Variants in LSM4 observed in about 807,000 individuals in gnomAD.
LSM4 encodes LSM4 homolog, U6 small nuclear RNA and mRNA degradation associated, also known as U6 snRNA-associated Sm-like protein LSm4.
In LSM4, 15 loss-of-function variants were observed where a neutral mutation model predicts 22.3. That is an observed-to-expected ratio of 0.67 (90% CI 0.45 to 1.03). The LOEUF is 1.03. Ranked by LOEUF, LSM4 falls within the 50% of genes least tolerant of loss-of-function variation. The pLI, the probability that LSM4 is intolerant of heterozygous loss-of-function variation, is 0.00. For missense variants in LSM4, 127 were observed against 198.0 expected, an observed-to-expected ratio of 0.64 and a Z score of 2.15; for synonymous variants, 90 against 79.8, an observed-to-expected ratio of 1.13 and a Z score of -0.68.
rs751182952 is a variant in LSM4 at position 18,322,996 on chromosome 19, C to A, written c.3+22G>T. On this transcript the variant is annotated intron_variant, in intron 1 of 4. Coordinates refer to ENST00000593829, the MANE Select transcript of LSM4 (RefSeq NM_012321.5). ...TGCTGTTCCCGCCTCCCGGTGAGACCCCGCAGTTGCCCTGCCCTCACCATG... is the reference window on the plus strand; with the variant it reads ...TGCTGTTCCCGCCTCCCGGTGAGACACCGCAGTTGCCCTGCCCTCACCATG... The A allele has an allele frequency of 2.8e-5, 45 of 1,591,294 alleles. No individual in the cohort carries two copies. In the East Asian group the frequency reaches 1.0e-3, roughly 37 times the overall value.
intron 3 of LSM4, 64 bp downstream of exon 3, chr19:18,312,540 G>T (rs1262681758): frequency 5.1e-6 from 7 of 1,366,486 alleles, no homozygotes; most frequent in Non-Finnish European, 7.3e-6. Flanking sequence ...GGCCCAGGGA[G>T]GGAGGGAGGA....
chr19:18,316,160 G>A (rs1453935535), intron 1 of LSM4, 95 bp from the exon 2 acceptor site: 8 of 1,132,206 alleles, frequency 7.1e-6, no homozygotes, highest in Non-Finnish European at 1.0e-5. Context: ...ATGGTGCGGT[G>A]CGGTTGAGGG....
At chr19:18,322,390 G>A (rs921472926) in intron 1 of LSM4, among the ~76,000 whole-genome samples, 1 of 152,152 alleles carries the variant, frequency 6.6e-6, no homozygotes, top group Non-Finnish European at 1.5e-5. Flanking sequence ...GCAGAGACCT[G>A]GGCCGCAATT....
At chr19:18,317,668 AG>A (rs1237981939) in intron 1 of LSM4, among the ~76,000 whole-genome samples, 1 of 152,012 alleles carries the variant, frequency 6.6e-6, no homozygotes, top group Non-Finnish European at 1.5e-5. Context: ...TTTCAAAGAC[AG>A]GAAGTCACCA....
intron 2 of LSM4, among the ~76,000 whole-genome samples, chr19:18,313,048 A>G (rs974037024): frequency 6.6e-6 from 1 of 152,166 alleles, no homozygotes; most frequent in Non-Finnish European, 1.5e-5. Flanking sequence ...GTGAAACCCC[A>G]TCTCTACTAA....
chr19:18,311,689 G>A (rs555103499), intron 3 of LSM4, among the ~76,000 whole-genome samples: 2 of 152,236 alleles, frequency 1.3e-5, no homozygotes, highest in South Asian at 2.1e-4. Flanking sequence ...GCTATGGCAC[G>A]AAACCCAGCA....
chr19:18,320,429 G>A (rs947257142), intron 1 of LSM4, among the ~76,000 whole-genome samples: 3 of 152,136 alleles, frequency 2.0e-5, no homozygotes, highest in Non-Finnish European at 4.4e-5. Context: ...GGAGGATCAC[G>A]GGCCAGTGAG....
chr19:18,319,501 G>T (rs1414312558), intron 1 of LSM4, among the ~76,000 whole-genome samples: 1 of 152,196 alleles, frequency 6.6e-6, no homozygotes, highest in Non-Finnish European at 1.5e-5. Flanking sequence ...GGCAGAGGCT[G>T]CAGTGAGCTG....
At chr19:18,307,640 G>C (rs1970244852) in intron 4 of LSM4, 85 bp from the exon 5 acceptor site, 1 of 970,912 alleles carries the variant, frequency 1.0e-6, no homozygotes, top group Non-Finnish European at 1.5e-6. Flanking sequence ...CTCTAGGCCA[G>C]GTCACCTAAG....
intron 1 of LSM4, among the ~76,000 whole-genome samples, chr19:18,319,264 C>T (rs942104978): frequency 6.3e-5 from 9 of 141,956 alleles, no homozygotes; most frequent in East Asian, 2.0e-4. Context: ...AACAAAAAAA[C>T]AAAACAAAAG....
chr19:18,323,043 G>T lies in LSM4; in HGVS notation c.-23C>A. 3 of 1,538,142 alleles carry T rather than the reference G, an allele frequency of 2.0e-6. No homozygotes were observed. Among genetic ancestry groups the T allele is most frequent in the South Asian group, 1.2e-5 (1 of 84,068 alleles). On this transcript the variant is annotated 5_prime_UTR_variant, in exon 1 of 5. Coordinates refer to ENST00000593829, the MANE Select transcript of LSM4 (RefSeq NM_012321.5). ...CATGGTGCCGGCGGGGACCGGGCTC[G>T]CCGGCCACTTCCGCCGCCGCCGCTG...
At chr19:18,318,669 C>G (rs564349911) in intron 1 of LSM4, among the ~76,000 whole-genome samples, 1 of 152,372 alleles carries the variant, frequency 6.6e-6, no homozygotes, top group Admixed American at 6.5e-5. Context: ...AGGGAAGGCG[C>G]AGAGGTCAGG....
Position 18,306,377 on chromosome 19 carries a change from C to G in LSM4, c.*1087G>C, listed in dbSNP as rs1187775634. The G allele has an allele frequency of 1.3e-5, 2 of 152,156 alleles. No individual in the cohort carries two copies. The highest frequency in any genetic ancestry group is 3.9e-4 in the East Asian group (2 of 5,192). The allele number at this position is 152,156 out of a possible 1,614,324, so 9.4% of individuals were successfully genotyped here. A position where few individuals can be genotyped will look rare whatever the true frequency, so the allele number is the denominator to read the frequency against. On this transcript the variant is annotated 3_prime_UTR_variant, in exon 5 of 5. Transcript: ENST00000593829. ...CTGGTTTCTTCACGGTCCACAGATG[C>G]TACCCGGAGCCTTTCTCGAAAGCGC...
Position 18,306,647 on chromosome 19 carries a change from T to C in LSM4, c.*817A>G, listed in dbSNP as rs563993966. On this transcript the variant is annotated 3_prime_UTR_variant, in exon 5 of 5. Transcript: ENST00000593829. ...TTCCCTCCCCACACACCCCTTGGCA[T>C]TAACGTCTCCACAGAGGGGAGAGGG... is the stretch of plus-strand genomic sequence containing the variant. 5 of 152,434 alleles carry C rather than the reference T, an allele frequency of 3.3e-5. No homozygotes were observed. In the East Asian group the frequency reaches 9.7e-4, roughly 29 times the overall value. 9.4% of individuals were successfully genotyped at this position (152,434 alleles called of 1,614,324 possible). A position where few individuals can be genotyped will look rare whatever the true frequency, so the allele number is the denominator to read the frequency against.
chr19:18,321,034 C>T (rs1970419623), intron 1 of LSM4, among the ~76,000 whole-genome samples: 1 of 152,232 alleles, frequency 6.6e-6, no homozygotes, highest in Admixed American at 6.5e-5. Flanking sequence ...ACCTAGGCCA[C>T]TCCTTCTGGC....
At chr19:18,308,233 G>C (rs1394925785) in intron 4 of LSM4, among the ~76,000 whole-genome samples, 2 of 152,144 alleles carry the variant, frequency 1.3e-5, no homozygotes, top group Non-Finnish European at 2.9e-5. Flanking sequence ...GTAATCCTGA[G>C]CAGGCTGCAC....
rs2232974 is a variant in LSM4 at position 18,307,476 on chromosome 19, C to G, written c.408G>C (p.Ala136=). Residue 136 remains alanine (A), a synonymous_variant, in exon 5 of 5, where the codon GCG becomes GCC. Coordinates refer to ENST00000593829, the MANE Select transcript of LSM4 (RefSeq NM_012321.5). ...GQPEKKPGRQ[A]GKQ The stretch of plus-strand genomic sequence containing the variant: ...TCTGGGTGGGCGCTCACTGTTTGCC[C>G]GCCTGTCTGCCAGGCTTCTTCTCTG... 1,821 of 1,547,128 alleles carry G rather than the reference C, an allele frequency of 1.2e-3. 23 individuals carry two copies. The African/African-American group carries it at 0.022, about 18-fold the overall frequency.
At chr19:18,316,214 T>C in intron 1 of LSM4, 149 bp from the exon 2 acceptor site, 1 of 626,304 alleles carries the variant, frequency 1.6e-6, no homozygotes, top group Non-Finnish European at 2.8e-6. Flanking sequence ...GAAATGCCAT[T>C]TCCTCACTCT....
intron 4 of LSM4, among the ~76,000 whole-genome samples, chr19:18,309,037 A>G (rs902707895): frequency 1.3e-5 from 2 of 152,076 alleles, no homozygotes; most frequent in South Asian, 4.1e-4. Flanking sequence ...AGATCCCCAA[A>G]GCTCCCTGCC....
Sources: allele counts gnomAD v4.1 joint callset (sites outside exome capture counted in the v4.1 genomes callset), GRCh38; gene constraint gnomAD v4.1.1; transcripts MANE v1.5; gene names NCBI Gene and HGNC (gene_info 2026-07-23, HGNC 2026-07-21).